The following DENND2D variants were observed in gnomAD, a reference collection of about 807,000 sequenced individuals.
DENND2D encodes the protein DENN domain-containing protein 2D.
Under a neutral mutation model 59.8 loss-of-function variants are expected in DENND2D, and 37 were observed. That is an observed-to-expected ratio of 0.62 (90% CI 0.48 to 0.81). DENND2D has a LOEUF of 0.81. DENND2D is among the 40% of genes least tolerant of loss of function. The pLI is 0.00. For missense variants in DENND2D, 525 were observed against 579.7 expected, an observed-to-expected ratio of 0.91 and a Z score of 0.97; for synonymous variants, 219 against 211.3, an observed-to-expected ratio of 1.04 and a Z score of -0.31.
At position 111,188,283 on chromosome 1, in the gene DENND2D, C is replaced by T. The variant is rs774863479; in HGVS notation, c.1187G>A (p.Arg396Gln). Residue 396 changes from arginine to glutamine, a missense_variant, in exon 11 of 12, where the codon CGG (arginine) becomes CAG (glutamine). Arg to Gln is a conservative substitution (Grantham distance 43). Around this residue, in one of 3 missense-constraint regions of DENND2D, gnomAD observed 225 missense variants for 252.4 expected, o/e 0.89. Transcript: ENST00000357640. ...GAAGTGGCCTTGCCCATTTGCCTCCCGCTTGATATAGGAAGCATAATGGCC... is the reference window on the plus strand; with the variant it reads ...GAAGTGGCCTTGCCCATTTGCCTCCTGCTTGATATAGGAAGCATAATGGCC... ...IVGHYASYIK[R>Q]EANGQGHFQE... The T allele has an allele frequency of 1.9e-5, 30 of 1,613,986 alleles. No individual in the cohort carries two copies. Among genetic ancestry groups the T allele is most frequent in the Admixed American group, 3.3e-5 (2 of 60,012 alleles).
upstream of DENND2D, chr1:111,204,002 C>T (rs920478150): frequency 2.4e-6 from 1 of 416,384 alleles, no homozygotes; most frequent in African/African-American, 2.1e-5. Context: ...CCACAAGCTT[C>T]CTGGATGGAA....
At chr1:111,204,078 G>C, upstream of DENND2D, 6 of 151,824 alleles carry the variant, frequency 4.0e-5, no homozygotes, top group Admixed American at 7.9e-5. Context: ...CGCCCCCTCA[G>C]GCCTGGCCTC....
At chr1:111,194,870 T>A in intron 6 of DENND2D, 144 bp from the exon 7 acceptor site, 2 of 894,848 alleles carry the variant, frequency 2.2e-6, no homozygotes, top group Non-Finnish European at 3.4e-6. Flanking sequence ...GCTAATTGGC[T>A]GGAGGACAGC....
At position 111,200,472 on chromosome 1, in the gene DENND2D, A is replaced by T; in HGVS notation, c.-13T>A. 1 of 1,604,470 alleles carries T rather than the reference A, an allele frequency of 6.2e-7. No homozygotes were observed. The highest frequency in any genetic ancestry group is 2.3e-5 in the East Asian group (1 of 44,250). On this transcript the variant is annotated 5_prime_UTR_variant, in exon 1 of 12. Coordinates refer to ENST00000357640, the MANE Select transcript of DENND2D (RefSeq NM_024901.5). ...CTTGTCCTTCCATCTCTGGGCCTTCAGGACAGAGCGGACTCCCCTCTCCCC... is the reference window on the plus strand; with the variant it reads ...CTTGTCCTTCCATCTCTGGGCCTTCTGGACAGAGCGGACTCCCCTCTCCCC...
chr1:111,188,878 A>AC, intron 9 of DENND2D, 92 bp from the exon 10 acceptor site: 1 of 1,069,460 alleles, frequency 9.4e-7, no homozygotes, highest in Non-Finnish European at 1.4e-6. Context: ...TGAATTCTAC[A>AC]CCCCCACTCC....
chr1:111,193,624 C>A (rs537371421), intron 7 of DENND2D, among the ~76,000 whole-genome samples: 3 of 152,294 alleles, frequency 2.0e-5, no homozygotes, highest in Admixed American at 2.0e-4. Context: ...ATTCACCTGC[C>A]CCTCTGACTT....
At position 111,197,235 on chromosome 1, in the gene DENND2D, G is replaced by A. The variant is rs377593877; in HGVS notation, c.445C>T (p.Arg149Cys). 3.5e-5 allele frequency: 57 copies of A among 1,613,452 alleles called. 1 individual carries two copies. The East Asian group carries it at 8.0e-4, about 23-fold the overall frequency. The part of the protein sequence containing the change: ...RRLLPAGPGP[R>C]LPKVYCIISC... ...ATGATGCAGTACACTTTGGGAAGGC[G>A]AGGGCCAGGGCCGGCAGGCTGGGGA... The change falls in exon 5 of 12, where the codon CGC becomes TGC. Residue 149 changes from arginine (R) to cysteine (C), a missense_variant. By Grantham distance (180) the Arg-to-Cys change is radical. This residue lies in a region of DENND2D where 253 missense variants were observed against 246.4 expected (regional missense o/e 1.03). Transcript: ENST00000357640.
chr1:111,204,347 C>T (rs1266928940), upstream of DENND2D: 5 of 1,479,626 alleles, frequency 3.4e-6, no homozygotes, highest in African/African-American at 4.4e-5. Flanking sequence ...CGGCCGAGCC[C>T]ATCCATGGCC....
rs754395567 is a variant in DENND2D, at chr1:111,189,268, G to A, written c.973-15C>T. On this transcript the variant is annotated splice_polypyrimidine_tract_variant and intron_variant, in intron 8 of 11. Coordinates refer to ENST00000357640, the MANE Select transcript of DENND2D (RefSeq NM_024901.5). ...ACCAGCAGGACCTGAAATAAACATAGACTGGCTTTCTCTGGTCCTCTTTCT... is the reference window on the plus strand; with the variant it reads ...ACCAGCAGGACCTGAAATAAACATAAACTGGCTTTCTCTGGTCCTCTTTCT... The A allele has an allele frequency of 6.2e-7, 1 of 1,613,966 alleles. No individual in the cohort carries two copies.
intron 9 of DENND2D, 90 bp from the exon 10 acceptor site, chr1:111,188,876 A>T: frequency 9.1e-7 from 1 of 1,098,456 alleles, no homozygotes; most frequent in Non-Finnish European, 1.4e-6. Context: ...CATGAATTCT[A>T]CACCCCCACT....
chr1:111,189,856 T>C (rs1423588557), intron 8 of DENND2D, among the ~76,000 whole-genome samples: 5 of 152,116 alleles, frequency 3.3e-5, no homozygotes, highest in Admixed American at 1.3e-4. Flanking sequence ...CAACATCTTA[T>C]GTACAATTTT....
intron 3 of DENND2D, 133 bp from the exon 4 acceptor site, chr1:111,198,122 T>C (rs1658425723): frequency 9.0e-6 from 7 of 781,030 alleles, no homozygotes; most frequent in Non-Finnish European, 1.3e-5. Flanking sequence ...GGCTCACTGG[T>C]GTCAGGCCCT....
chr1:111,198,770 A>G, intron 2 of DENND2D, 28 bp from the exon 3 acceptor site: 2 of 1,612,102 alleles, frequency 1.2e-6, no homozygotes, highest in Non-Finnish European at 1.7e-6. Context: ...AGACAAGTGG[A>G]TGTGAAGCTG....
At chr1:111,192,843 G>A (rs1434292018) in intron 7 of DENND2D, among the ~76,000 whole-genome samples, 1 of 152,124 alleles carries the variant, frequency 6.6e-6, no homozygotes, top group Non-Finnish European at 1.5e-5. Flanking sequence ...CTCATCCCCA[G>A]CCTTTGCCCC....
At position 111,197,910 on chromosome 1, in the gene DENND2D, C is replaced by T. The variant is rs200920924; in HGVS notation, c.426+10G>A. ...GCAGAAAGGAAGGGGCAGTTCTGAGCTGCACAGACCAAGAGGCGCCTGCAG... is the reference window on the plus strand; with the variant it reads ...GCAGAAAGGAAGGGGCAGTTCTGAGTTGCACAGACCAAGAGGCGCCTGCAG... On this transcript the variant is annotated intron_variant, in intron 4 of 11. Coordinates refer to ENST00000357640, the MANE Select transcript of DENND2D (RefSeq NM_024901.5). The T allele has an allele frequency of 1.9e-6, 3 of 1,613,738 alleles. No homozygotes were observed. Among genetic ancestry groups the T allele is most frequent in the African/African-American group, 1.3e-5 (1 of 75,030 alleles).
chr1:111,188,678 C>A (rs755649907), intron 10 of DENND2D, 24 bp downstream of exon 10: 15 of 1,599,670 alleles, frequency 9.4e-6, no homozygotes, highest in Admixed American at 5.0e-5. Context: ...CCTGGAGAGA[C>A]CCAAAATAAG....
intron 4 of DENND2D, 168 bp from the exon 5 acceptor site, chr1:111,197,421 G>T: frequency 6.9e-7 from 1 of 1,451,830 alleles, no homozygotes; most frequent in Non-Finnish European, 9.1e-7. Context: ...AGAAATCCTT[G>T]AGGGTACTGG....
chr1:111,197,942 A>G lies in DENND2D; in HGVS notation c.404T>C (p.Ile135Thr), dbSNP rs775615483. The change falls in exon 4 of 12, where the codon ATT (isoleucine) becomes ACT (threonine). Residue 135 changes from isoleucine to threonine, a missense_variant. By Grantham distance (89) the Ile-to-Thr change is moderately conservative. Transcript: ENST00000357640. ...GACCAAGAGGCGCCTGCAGTATCCA[A>G]TCTTTCTGCTCCCATCCACATTGGT... ...VLTNVDGSRK[I>T]GYCRRLLPAG... The G allele has an allele frequency of 5.6e-6, 9 of 1,613,980 alleles. No homozygotes were observed. The highest frequency in any genetic ancestry group is 1.3e-5 in the African/African-American group (1 of 74,928).
chr1:111,198,108 T>TAA (rs764436211), intron 3 of DENND2D, 119 bp from the exon 4 acceptor site: 2 of 918,818 alleles, frequency 2.2e-6, no homozygotes, highest in South Asian at 1.5e-5. Context: ...ATCACAGGAG[T>TAA]AAGGGCTCAC....
Sources: gnomAD v4.1 joint callset for allele counts (sites outside exome capture counted in the v4.1 genomes callset) on GRCh38, gnomAD v4.1.1 for gene constraint, gnomAD v4.1.1 regional missense constraint, MANE v1.5 for transcripts, NCBI Gene and HGNC (gene_info 2026-07-23, HGNC 2026-07-21) for gene names.